The following RTN4RL2 variants were observed in gnomAD, a reference collection of about 807,000 sequenced individuals.
RTN4RL2 encodes the protein reticulon-4 receptor-like 2.
Under a neutral mutation model 27.8 loss-of-function variants are expected in RTN4RL2, and 9 were observed. The observed-to-expected ratio is 0.32, with a 90% CI of 0.20 to 0.57. The LOEUF (loss-of-function observed/expected upper bound fraction) is 0.57. RTN4RL2 is among the 20% of genes least tolerant of loss of function. The probability of loss-of-function intolerance (pLI) is 0.90; values close to 1 mark genes in which losing one functional copy is unlikely to be tolerated. For missense variants in RTN4RL2, 436 were observed against 596.8 expected, an observed-to-expected ratio of 0.73 and a Z score of 2.81; for synonymous variants, 285 against 297.9, an observed-to-expected ratio of 0.96 and a Z score of 0.45.
rs1590735247 is a variant in RTN4RL2 at position 57,477,388 on chromosome 11, C to G, written c.*477C>G. On this transcript the variant is annotated 3_prime_UTR_variant, in exon 3 of 3. Coordinates refer to ENST00000335099, the MANE Select transcript of RTN4RL2 (RefSeq NM_178570.3). Reference sequence around the variant, plus strand: ...CCCTAGTCCCCTCAACCTCCTGACACTGGAGGAATACTTTTCTCCTAAGTC... The same window carrying G: ...CCCTAGTCCCCTCAACCTCCTGACAGTGGAGGAATACTTTTCTCCTAAGTC... 1 of 156,532 alleles carries G rather than the reference C, an allele frequency of 6.4e-6. No individual in the cohort carries two copies. Among genetic ancestry groups the G allele is most frequent in the South Asian group, 2.1e-4 (1 of 4,862 alleles). 9.7% of individuals were successfully genotyped at this position (156,532 alleles called of 1,614,324 possible). A position where few individuals can be genotyped will look rare whatever the true frequency, so the allele number is the denominator to read the frequency against.
At chr11:57,473,998 C>A (rs1394275805) in intron 2 of RTN4RL2, among the ~76,000 whole-genome samples, 1 of 151,900 alleles carries the variant, frequency 6.6e-6, no homozygotes, top group African/African-American at 2.4e-5. Flanking sequence ...ATCCTCTGAC[C>A]ATACATCTCT....
chr11:57,469,677 T>C (rs1943550261), intron 2 of RTN4RL2, among the ~76,000 whole-genome samples: 1 of 152,212 alleles, frequency 6.6e-6, no homozygotes, highest in Non-Finnish European at 1.5e-5. Flanking sequence ...GTGGCCCAAC[T>C]TGGACTCCAT....
In RTN4RL2 at chr11:57,476,115, AC is replaced by A. The variant is rs1943593328; in HGVS notation, c.514-45del. 1 of 1,553,228 alleles carries A rather than the reference AC, an allele frequency of 6.4e-7. No individual in the cohort carries two copies. On this transcript the variant is annotated intron_variant, in intron 2 of 2. Transcript: ENST00000335099. This position sits in a 1 kb window ranked among gnomAD's most constrained non-coding sequence, Gnocchi z 8.2. The stretch of plus-strand genomic sequence containing the variant: ...AAGGCCCCAGCGGGGTCTGCACCCT[AC>A]CTCAGGCCCATTCTCTTCTTCTGTG...
rs1469596392 is a variant in RTN4RL2 at position 57,476,097 on chromosome 11, C to T, written c.514-65C>T. The T allele has an allele frequency of 6.7e-7, 1 of 1,493,696 alleles. No individual in the cohort carries two copies. Among genetic ancestry groups the T allele is most frequent in the Non-Finnish European group, 9.1e-7 (1 of 1,103,656 alleles). 92.5% of individuals were successfully genotyped at this position (1,493,696 alleles called of 1,614,324 possible). ...CCCTTCCCTCCCCCGGCCAAGGCCC[C>T]AGCGGGGTCTGCACCCTACCTCAGG... On this transcript the variant is annotated intron_variant, in intron 2 of 2. Transcript: ENST00000335099. The surrounding 1 kb of genome is among the most constrained non-coding windows in gnomAD (Gnocchi z 8.2).
At chr11:57,469,715 T>C (rs1943550422) in intron 2 of RTN4RL2, among the ~76,000 whole-genome samples, 2 of 152,164 alleles carry the variant, frequency 1.3e-5, no homozygotes, top group African/African-American at 4.8e-5. Context: ...ACTTCAAGGA[T>C]TATACTAAGG....
chr11:57,476,064 G>A lies in RTN4RL2; in HGVS notation c.514-98G>A. On this transcript the variant is annotated intron_variant, in intron 2 of 2. Coordinates refer to ENST00000335099, the MANE Select transcript of RTN4RL2 (RefSeq NM_178570.3). The surrounding 1 kb of genome is among the most constrained non-coding windows in gnomAD (Gnocchi z 8.2). ...AGGTCAACCCTTTCTCTTCTGCCACGGTGCACCCCCTTCCCTCCCCCGGCC... is the reference window on the plus strand; with the variant it reads ...AGGTCAACCCTTTCTCTTCTGCCACAGTGCACCCCCTTCCCTCCCCCGGCC... 2.6e-6 allele frequency: 3 copies of A among 1,164,230 alleles called. No individual in the cohort carries two copies. The highest frequency in any genetic ancestry group is 4.7e-5 in the Admixed American group (2 of 42,912). The allele number at this position is 1,164,230 out of a possible 1,614,324, so 72.1% of individuals were successfully genotyped here.
Position 57,467,536 on chromosome 11 carries a change from T to C in RTN4RL2, c.32-73T>C. ...GCCGGGTCTAGGCCTTTTACCAAGT[T>C]GGGGGGCTGGCCCCCAGCTGGCACT... is the stretch of plus-strand genomic sequence containing the variant. On this transcript the variant is annotated intron_variant, in intron 1 of 2. Transcript: ENST00000335099. This position sits in a 1 kb window ranked among gnomAD's most constrained non-coding sequence, Gnocchi z 5.5. 2 of 1,535,632 alleles carry C rather than the reference T, an allele frequency of 1.3e-6. No individual in the cohort carries two copies. Among genetic ancestry groups the C allele is most frequent in the Non-Finnish European group, 8.7e-7 (1 of 1,144,996 alleles).
chr11:57,471,028 G>C (rs902594686), intron 2 of RTN4RL2, among the ~76,000 whole-genome samples: 1 of 152,062 alleles, frequency 6.6e-6, no homozygotes, highest in Non-Finnish European at 1.5e-5. Flanking sequence ...TTGAAGTCAG[G>C]AGTTCGAGAC....
At chr11:57,471,054 G>A (rs1943560133) in intron 2 of RTN4RL2, among the ~76,000 whole-genome samples, 1 of 151,980 alleles carries the variant, frequency 6.6e-6, no homozygotes, top group Non-Finnish European at 1.5e-5. Flanking sequence ...TGGCCAATAT[G>A]GTGAAACCCT....
intron 2 of RTN4RL2, 64 bp downstream of exon 2, chr11:57,468,154 C>T (rs967720596): frequency 1.3e-6 from 2 of 1,512,284 alleles, no homozygotes; most frequent in Non-Finnish European, 1.8e-6. Context: ...GGCCCCTCTG[C>T]TCCCCGACCC....
Position 57,467,657 on chromosome 11 carries a change from C to T in RTN4RL2, c.80C>T (p.Ala27Val), listed in dbSNP as rs535846311. The T allele has an allele frequency of 4.1e-5, 66 of 1,610,450 alleles. No individual in the cohort carries two copies. The East Asian group carries it at 5.1e-4, about 13-fold the overall frequency. Residue 27 changes from alanine to valine, a missense_variant, in exon 2 of 3, where the codon GCG becomes GTG. Ala to Val is a moderately conservative substitution (Grantham distance 64, BLOSUM62 0). Coordinates refer to ENST00000335099, the MANE Select transcript of RTN4RL2 (RefSeq NM_178570.3). The surrounding 1 kb of genome is among the most constrained non-coding windows in gnomAD (Gnocchi z 5.5). ...CTGATGCTCCTGGCCCTGCCCCTGG[C>T]GGCCCCCAGCTGCCCCATGCTCTGC... ...LLLMLLALPLAAPSCPMLCTC... is the reference protein window; with the variant it reads ...LLLMLLALPLVAPSCPMLCTC...
At chr11:57,461,278 A>C (rs1165115253) in intron 1 of RTN4RL2, among the ~76,000 whole-genome samples, 1 of 152,104 alleles carries the variant, frequency 6.6e-6, no homozygotes, top group Non-Finnish European at 1.5e-5. Flanking sequence ...CTTTCTGGCC[A>C]CCTGGGAAGA....
Position 57,476,417 on chromosome 11 carries a change from C to A in RTN4RL2, c.769C>A (p.Arg257=), listed in dbSNP as rs1211862540. ...LADLPSLEFL[R]LNANPWACDC... ...CGACCTGCCCTCGCTCGAGTTCCTG[C>A]GGCTCAACGCTAACCCCTGGGCGTG... Residue 257 remains arginine (R), a synonymous_variant, in exon 3 of 3, where the codon CGG becomes AGG. Coordinates refer to ENST00000335099, the MANE Select transcript of RTN4RL2 (RefSeq NM_178570.3). The surrounding 1 kb of genome is among the most constrained non-coding windows in gnomAD (Gnocchi z 8.2). 5 of 1,598,806 alleles carry A rather than the reference C, an allele frequency of 3.1e-6. No homozygotes were observed. The highest frequency in any genetic ancestry group is 1.3e-5 in the African/African-American group (1 of 74,742).
At chr11:57,466,180 T>G (rs1046023937) in intron 1 of RTN4RL2, among the ~76,000 whole-genome samples, 3 of 151,832 alleles carry the variant, frequency 2.0e-5, no homozygotes, top group African/African-American at 7.3e-5. Flanking sequence ...TTTTTTTTTG[T>G]ATTTTTAGTA....
rs753093652 is a variant in RTN4RL2 at position 57,476,413 on chromosome 11, C to T, written c.765C>T (p.Phe255=). 5 of 1,600,670 alleles carry T rather than the reference C, an allele frequency of 3.1e-6. No individual in the cohort carries two copies. Among genetic ancestry groups the T allele is most frequent in the South Asian group, 2.2e-5 (2 of 90,716 alleles). Residue 255 remains phenylalanine, a synonymous_variant, in exon 3 of 3, where the codon TTC becomes TTT. Coordinates refer to ENST00000335099, the MANE Select transcript of RTN4RL2 (RefSeq NM_178570.3). The surrounding 1 kb of genome is among the most constrained non-coding windows in gnomAD (Gnocchi z 8.2). The stretch of plus-strand genomic sequence containing the variant: ...TCGCCGACCTGCCCTCGCTCGAGTT[C>T]CTGCGGCTCAACGCTAACCCCTGGG... The part of the protein sequence containing the change: ...EALADLPSLE[F]LRLNANPWAC...
In RTN4RL2 at chr11:57,467,742, G is replaced by T; in HGVS notation, c.165G>T (p.Pro55=). The stretch of plus-strand genomic sequence containing the variant: ...AGGCCAACAACTTCTCCTCTGTGCC[G>T]CTGTCCCTGCCACCCAGCACTCAGC... ...SCQANNFSSV[P]LSLPPSTQRL... Residue 55 remains proline (P), a synonymous_variant, in exon 2 of 3, where the codon CCG becomes CCT. Transcript: ENST00000335099. The surrounding 1 kb of genome is among the most constrained non-coding windows in gnomAD (Gnocchi z 5.5). 6.2e-7 allele frequency: 1 copy of T among 1,612,238 alleles called. No individual in the cohort carries two copies. Among genetic ancestry groups the T allele is most frequent in the Non-Finnish European group, 8.5e-7 (1 of 1,179,748 alleles).
chr11:57,463,746 CAG>C (rs1182422656), intron 1 of RTN4RL2, among the ~76,000 whole-genome samples: 1 of 151,868 alleles, frequency 6.6e-6, no homozygotes, highest in Non-Finnish European at 1.5e-5. Flanking sequence ...GGAGTGAGAA[CAG>C]GGGGTGGGGA....
Position 57,476,586 on chromosome 11 carries a change from C to A in RTN4RL2, c.938C>A (p.Ala313Glu). 7.2e-7 allele frequency: 1 copy of A among 1,397,922 alleles called. No individual in the cohort carries two copies. The highest frequency in any genetic ancestry group is 9.2e-7 in the Non-Finnish European group (1 of 1,082,458). The allele number at this position is 1,397,922 out of a possible 1,614,324, so 86.6% of individuals were successfully genotyped here. Residue 313 changes from alanine (A) to glutamate (E), a missense_variant, in exon 3 of 3, where the codon GCG becomes GAG. Physicochemically the swap from Ala to Glu is moderately radical, Grantham distance 107. Coordinates refer to ENST00000335099, the MANE Select transcript of RTN4RL2 (RefSeq NM_178570.3). The surrounding 1 kb of genome is among the most constrained non-coding windows in gnomAD (Gnocchi z 8.2). ...READFQACPP[A>E]APTRPGSRAR... Reference sequence around the variant, plus strand: ...GCCGACTTCCAGGCGTGTCCGCCCGCGGCACCCACGCGGCCGGGCAGCCGC... The same window carrying A: ...GCCGACTTCCAGGCGTGTCCGCCCGAGGCACCCACGCGGCCGGGCAGCCGC...
In RTN4RL2 at chr11:57,476,655, A is replaced by C; in HGVS notation, c.1007A>C (p.Glu336Ala). The change falls in exon 3 of 3, where the codon GAG becomes GCG. Residue 336 changes from glutamate (E) to alanine (A), a missense_variant. This residue lies in a region of RTN4RL2 where 365 missense variants were observed against 530.5 expected (regional missense o/e 0.69). Coordinates refer to ENST00000335099, the MANE Select transcript of RTN4RL2 (RefSeq NM_178570.3). This position sits in a 1 kb window ranked among gnomAD's most constrained non-coding sequence, Gnocchi z 8.2. Reference sequence around the variant, plus strand: ...TCCAACCACCTGTACGGGGTGGCCGAGGCCGGGGCGCCCCCAGCCGATCCC... The same window carrying C: ...TCCAACCACCTGTACGGGGTGGCCGCGGCCGGGGCGCCCCCAGCCGATCCC... Reference protein sequence around the residue: ...SSSNHLYGVAEAGAPPADPST... With the variant: ...SSSNHLYGVAAAGAPPADPST... 7.1e-7 allele frequency: 1 copy of C among 1,407,902 alleles called. No individual in the cohort carries two copies. Among genetic ancestry groups the C allele is most frequent in the Non-Finnish European group, 9.2e-7 (1 of 1,089,634 alleles). 87.2% of individuals were successfully genotyped at this position (1,407,902 alleles called of 1,614,324 possible). A position where few individuals can be genotyped will look rare whatever the true frequency, so the allele number is the denominator to read the frequency against.
Sources: gnomAD v4.1 joint callset for allele counts (sites outside exome capture counted in the v4.1 genomes callset) on GRCh38, gnomAD v4.1.1 for gene constraint, gnomAD v4.1.1 regional missense constraint, Gnocchi (gnomAD v3.1) non-coding constraint, MANE v1.5 for transcripts, NCBI Gene and HGNC (gene_info 2026-07-23, HGNC 2026-07-21) for gene names.